Variants in NRXN1 observed in about 807,000 individuals in gnomAD.
The protein encoded by NRXN1 is neurexin-1.
In NRXN1, 39 loss-of-function variants were observed where a neutral mutation model predicts 150.9. The ratio of observed to expected loss-of-function variants is 0.26; its 90% CI spans 0.20 to 0.34. The LOEUF is 0.34. NRXN1 is among the 10% of genes least tolerant of loss of function. NRXN1 has a pLI of 1.00. For missense variants in NRXN1, 1,815 were observed against 1,949.9 expected, an observed-to-expected ratio of 0.93 and a Z score of 1.30; for synonymous variants, 924 against 757.0, an observed-to-expected ratio of 1.22 and a Z score of -3.62.
At chr2:50,707,749 C>T (rs940470056) in intron 5 of NRXN1, among the ~76,000 whole-genome samples, 7 of 152,058 alleles carry the variant, frequency 4.6e-5, no homozygotes, top group African/African-American at 1.7e-4. Flanking sequence ...GGTACTCATA[C>T]GGAAGAGCAT....
At chr2:50,574,321 G>A (rs1239202479) in intron 8 of NRXN1, among the ~76,000 whole-genome samples, 3 of 151,856 alleles carry the variant, frequency 2.0e-5, no homozygotes. Flanking sequence ...CTAAAAATTG[G>A]CTGATATATT....
intron 21 of NRXN1, among the ~76,000 whole-genome samples, chr2:49,969,454 T>C (rs1677559246): frequency 6.6e-6 from 1 of 152,054 alleles, no homozygotes; most frequent in Non-Finnish European, 1.5e-5. Context: ...TTTAAAAAAA[T>C]CAAAATTCTA....
At chr2:50,536,615 C>A (rs2093267022) in intron 10 of NRXN1, among the ~76,000 whole-genome samples, 1 of 152,124 alleles carries the variant, frequency 6.6e-6, no homozygotes, top group Admixed American at 6.6e-5. Flanking sequence ...TTCACTTAAC[C>A]AAGAGGCATC....
intron 17 of NRXN1, among the ~76,000 whole-genome samples, chr2:50,277,566 CTT>C (rs1558435306): frequency 2.7e-5 from 4 of 149,098 alleles, no homozygotes; most frequent in African/African-American, 9.9e-5. Flanking sequence ...CTCTTTCTTT[CTT>C]TCTTAGCCAG....
At chr2:50,027,660 G>A (rs1688569798) in intron 21 of NRXN1, among the ~76,000 whole-genome samples, 1 of 152,134 alleles carries the variant, frequency 6.6e-6, no homozygotes, top group African/African-American at 2.4e-5. Flanking sequence ...TTGAACTCCT[G>A]GGCTCAAGTT....
chr2:50,200,522 G>A (rs72887746), intron 18 of NRXN1, among the ~76,000 whole-genome samples: 2,975 of 152,174 alleles, frequency 0.02, 80 homozygotes, highest in African/African-American at 0.069. Flanking sequence ...ATTATGACAA[G>A]GCTGCAGATA....
chr2:50,152,571 G>C (rs1392361056), intron 18 of NRXN1, among the ~76,000 whole-genome samples: 1 of 151,686 alleles, frequency 6.6e-6, no homozygotes, highest in Admixed American at 6.6e-5. Flanking sequence ...TCAAAGAACA[G>C]TTTTGCCAGA....
intron 18 of NRXN1, among the ~76,000 whole-genome samples, chr2:50,205,311 A>G (rs900669632): frequency 1.3e-5 from 2 of 152,112 alleles, no homozygotes; most frequent in Non-Finnish European, 2.9e-5. Flanking sequence ...ATAAAAGTAG[A>G]AACTGATGGA....
chr2:50,505,720 G>C (rs952917482), intron 13 of NRXN1, among the ~76,000 whole-genome samples: 13 of 152,094 alleles, frequency 8.5e-5, no homozygotes, highest in African/African-American at 3.1e-4. Context: ...ACTGTTCTCT[G>C]GGCATGGGGA....
chr2:50,776,728 T>A (rs1703697898), intron 5 of NRXN1, among the ~76,000 whole-genome samples: 1 of 151,638 alleles, frequency 6.6e-6, no homozygotes, highest in African/African-American at 2.4e-5. Context: ...GTATGAAAAT[T>A]CAAAAAGGAG....
chr2:50,382,023 A>C (rs1382700218), intron 17 of NRXN1, among the ~76,000 whole-genome samples: 1 of 152,106 alleles, frequency 6.6e-6, no homozygotes, highest in Non-Finnish European at 1.5e-5. Flanking sequence ...GTAGTTTCTG[A>C]AGAGGGATTC....
intron 17 of NRXN1, among the ~76,000 whole-genome samples, chr2:50,394,367 C>A (rs1350086861): frequency 2.0e-5 from 3 of 152,086 alleles, no homozygotes; most frequent in Non-Finnish European, 4.4e-5. Context: ...CCAACCTCCC[C>A]CAAAGGATAA....
intron 2 of NRXN1, among the ~76,000 whole-genome samples, chr2:50,940,437 T>C (rs1297674919): frequency 1.4e-5 from 2 of 147,902 alleles, no homozygotes; most frequent in Non-Finnish European, 3.0e-5. Flanking sequence ...ATCGTGCCAC[T>C]GTACTCCAAC....
intron 18 of NRXN1, among the ~76,000 whole-genome samples, chr2:50,228,281 T>C (rs2064597965): frequency 1.3e-5 from 2 of 152,082 alleles, no homozygotes; most frequent in African/African-American, 4.8e-5. Flanking sequence ...TTTTTTCCTT[T>C]TATATGAGTA....
At chr2:49,985,900 G>A (rs1051957498) in intron 21 of NRXN1, among the ~76,000 whole-genome samples, 24 of 152,264 alleles carry the variant, frequency 1.6e-4, no homozygotes, top group African/African-American at 4.8e-4. Flanking sequence ...ATTCGATGGG[G>A]CCATACCAAT....
chr2:50,563,910 G>C (rs1039306777), intron 8 of NRXN1, among the ~76,000 whole-genome samples: 1 of 152,112 alleles, frequency 6.6e-6, no homozygotes, highest in Non-Finnish European at 1.5e-5. Context: ...CTAAGAGCCT[G>C]CAAACGAAAC....
chr2:50,335,524 C>T (rs2077124422), intron 17 of NRXN1, among the ~76,000 whole-genome samples: 1 of 152,280 alleles, frequency 6.6e-6, no homozygotes, highest in Middle Eastern at 3.4e-3. Context: ...CCTCTCCCCA[C>T]CACCCCCTGC....
chr2:49,939,340 A>C (rs1384039043), intron 22 of NRXN1, among the ~76,000 whole-genome samples: 1 of 152,202 alleles, frequency 6.6e-6, no homozygotes, highest in Non-Finnish European at 1.5e-5. Flanking sequence ...ACTTTAGGAC[A>C]ACACTGGCCT....
intron 19 of NRXN1, among the ~76,000 whole-genome samples, chr2:50,083,827 T>A (rs532162347): frequency 1.3e-5 from 2 of 152,094 alleles, no homozygotes; most frequent in East Asian, 3.9e-4. Flanking sequence ...CTGATTGGTG[T>A]ATTTACAAAC....
Sources: gnomAD v4.1 joint callset for allele counts (sites outside exome capture counted in the v4.1 genomes callset) on GRCh38, gnomAD v4.1.1 for gene constraint, MANE v1.5 for transcripts, NCBI Gene and HGNC (gene_info 2026-07-23, HGNC 2026-07-21) for gene names.